COPA: variants seen among roughly 807,000 people sequenced by gnomAD.
COPA encodes the protein coat protein complex I subunit alpha.
Under a neutral mutation model 158.7 loss-of-function variants are expected in COPA, and 10 were observed. That is an observed-to-expected ratio of 0.06 (90% CI 0.04 to 0.11). The LOEUF is 0.11. Ranked by LOEUF, COPA falls within the 10% of genes least tolerant of loss-of-function variation. The probability of loss-of-function intolerance (pLI) is 1.00; values close to 1 mark genes in which losing one functional copy is unlikely to be tolerated. For missense variants in COPA, 1,065 were observed against 1,536.7 expected (o/e 0.69, Z 5.13); for synonymous variants, 462 against 542.8 (o/e 0.85, Z 2.07).
Position 160,343,236 on chromosome 1 carries a change from C to A in COPA, c.-66G>T. 6.2e-7 allele frequency: 1 copy of A among 1,606,332 alleles called. No homozygotes were observed. Among genetic ancestry groups the A allele is most frequent in the Non-Finnish European group, 8.5e-7 (1 of 1,172,824 alleles). On this transcript the variant is annotated 5_prime_UTR_variant, in exon 1 of 33. In the 5' UTR this introduces an upstream ATG that the reference lacks. Transcript: ENST00000241704. ...ACACACCCTGCTGCCCTTCGGACGC[C>A]TCCACGTCAGCGACCCTCTCCCGCG...
In COPA at chr1:160,313,853, G is replaced by C. The variant is rs1238858422; in HGVS notation, c.842+137C>G. The stretch of plus-strand genomic sequence containing the variant: ...ATTTGTAAATGTTGACTGATCTCTA[G>C]GTCTCTTCAAATTTTCATAATATAT... On this transcript the variant is annotated intron_variant, in intron 9 of 32. Transcript: ENST00000241704. 4.1e-6 allele frequency: 3 copies of C among 735,812 alleles called. No homozygotes were observed. The African/African-American group carries it at 5.5e-5, about 13-fold the overall frequency. The allele number at this position is 735,812 out of a possible 1,614,324, so 45.6% of individuals were successfully genotyped here.
chr1:160,300,344 A>AAAAT (rs36034271), intron 17 of COPA, among the ~76,000 whole-genome samples: 14,597 of 138,838 alleles, frequency 0.11, 840 homozygotes, highest in East Asian at 0.15. Context: ...ACTCCGACTC[A>AAAAT]AAATAAATAA....
intron 8 of COPA, chr1:160,317,746 T>A: frequency 7.9e-7 from 1 of 1,258,758 alleles, no homozygotes; most frequent in Non-Finnish European, 1.2e-6. Flanking sequence ...CAATCCTTTC[T>A]CATTTTTAAA....
In COPA at chr1:160,293,232, G is replaced by A; in HGVS notation, c.2757C>T (p.Ile919=). Residue 919 remains isoleucine (I), a splice_region_variant and synonymous_variant, in exon 27 of 33, where the codon ATC becomes ATT. Transcript: ENST00000241704. The part of the protein sequence containing the change: ...PPTKGTSPTQ[I]WCNNSQLPVD... ...CTGGAAGCTGAGAGTTATTACACCAGATCTAACAAGAAACAAAAAAACCCA... is the reference window on the plus strand; with the variant it reads ...CTGGAAGCTGAGAGTTATTACACCAAATCTAACAAGAAACAAAAAAACCCA... 1 of 1,614,068 alleles carries A rather than the reference G, an allele frequency of 6.2e-7. No homozygotes were observed. The highest frequency in any genetic ancestry group is 8.5e-7 in the Non-Finnish European group (1 of 1,180,008).
At chr1:160,340,857 C>T (rs1376451017) in intron 1 of COPA, among the ~76,000 whole-genome samples, 1 of 152,164 alleles carries the variant, frequency 6.6e-6, no homozygotes, top group African/African-American at 2.4e-5. Flanking sequence ...TCTCTCTCTG[C>T]AGCCCCCTCT....
At chr1:160,297,829 A>G (rs1658463581) in intron 19 of COPA, 84 bp from the exon 20 acceptor site, 1 of 1,392,640 alleles carries the variant, frequency 7.2e-7, no homozygotes, top group Non-Finnish European at 9.8e-7. Flanking sequence ...CTGCATCTAT[A>G]TAGATTTCCT....
chr1:160,307,077 G>GA (rs1195421150), intron 14 of COPA, 86 bp downstream of exon 14: 1 of 1,359,540 alleles, frequency 7.4e-7, no homozygotes, highest in African/African-American at 1.4e-5. Flanking sequence ...GGGGAGAACA[G>GA]AAAAAACAAT....
chr1:160,306,040 G>C, intron 15 of COPA: 1 of 572,634 alleles, frequency 1.7e-6, no homozygotes, highest in Non-Finnish European at 3.1e-6. Flanking sequence ...TTCACCACTG[G>C]ACTGCAAGCT....
At position 160,299,249 on chromosome 1, in the gene COPA, A is replaced by G; in HGVS notation, c.1683T>C (p.Ile561=). 1 of 1,612,976 alleles carries G rather than the reference A, an allele frequency of 6.2e-7. No homozygotes were observed. The highest frequency in any genetic ancestry group is 1.1e-5 in the South Asian group (1 of 91,054). Residue 561 remains isoleucine (I), a synonymous_variant, in exon 18 of 33, where the codon ATT becomes ATC. Transcript: ENST00000241704. ...YAVTTGDHGI[I]RTLDLPIYVT... ...CATAGATGGGTAAATCCAGAGTTCGAATGATCCCGTGGTCCCTAAGAACAG... is the reference window on the plus strand; with the variant it reads ...CATAGATGGGTAAATCCAGAGTTCGGATGATCCCGTGGTCCCTAAGAACAG...
Position 160,313,974 on chromosome 1 carries a change from C to G in COPA, c.842+16G>C, listed in dbSNP as rs1490882090. On this transcript the variant is annotated intron_variant, in intron 9 of 32. Transcript: ENST00000241704. ...AGAGTAAGAGAAAGTTCACACAACACTGAGGACTACCTTACCGCTTAGACA... is the reference window on the plus strand; with the variant it reads ...AGAGTAAGAGAAAGTTCACACAACAGTGAGGACTACCTTACCGCTTAGACA... The G allele has an allele frequency of 3.1e-6, 5 of 1,594,510 alleles. No homozygotes were observed. The highest frequency in any genetic ancestry group is 4.3e-6 in the Non-Finnish European group (5 of 1,170,898).
chr1:160,334,594 ATTCT>A (rs914157624), intron 4 of COPA, among the ~76,000 whole-genome samples: 11 of 152,246 alleles, frequency 7.2e-5, no homozygotes, highest in African/African-American at 1.9e-4. Context: ...ATTTCATCAT[ATTCT>A]TTCTAACTTA....
chr1:160,297,238 G>A, intron 21 of COPA, 105 bp downstream of exon 21: 1 of 1,001,670 alleles, frequency 1.0e-6, no homozygotes, highest in African/African-American at 1.6e-5. Context: ...CTAAAAAAAT[G>A]CACAATAAAG....
chr1:160,326,585 C>T (rs1647225084), intron 6 of COPA, among the ~76,000 whole-genome samples: 1 of 152,082 alleles, frequency 6.6e-6, no homozygotes, highest in Non-Finnish European at 1.5e-5. Context: ...TGAAGCCTTT[C>T]GACAGCTGAT....
chr1:160,303,363 G>A lies in COPA; in HGVS notation c.1667+2070C>T, dbSNP rs375006746. On this transcript the variant is annotated intron_variant, in intron 17 of 32. Transcript: ENST00000241704. The stretch of plus-strand genomic sequence containing the variant: ...CATTATTTAAGACAGTGTGGAATTA[G>A]AGCAGAGATAGACAGACCACATTTG... Among the ~76,000 whole-genome samples, 3 of 152,216 alleles carry A rather than the reference G, an allele frequency of 2.0e-5. No homozygotes were observed. In the East Asian group the frequency reaches 5.8e-4, roughly 29 times the overall value.
chr1:160,331,153 T>C (rs746143194), intron 6 of COPA, among the ~76,000 whole-genome samples: 3 of 152,194 alleles, frequency 2.0e-5, no homozygotes, highest in Non-Finnish European at 4.4e-5. Flanking sequence ...TATTCCAACA[T>C]GAAGCGCTTC....
chr1:160,342,086 A>G (rs1425796254), intron 1 of COPA, among the ~76,000 whole-genome samples: 1 of 151,946 alleles, frequency 6.6e-6, no homozygotes, highest in Non-Finnish European at 1.5e-5. Flanking sequence ...TTTTTGAGCT[A>G]CTGAGTCTAC....
intron 8 of COPA, chr1:160,317,406 T>G: frequency 6.2e-7 from 1 of 1,606,954 alleles, no homozygotes; most frequent in Non-Finnish European, 8.5e-7. Flanking sequence ...TCATCATGTC[T>G]GACCAGGAGG....
At chr1:160,336,332 CAAAA>C (rs754757246) in intron 3 of COPA, among the ~76,000 whole-genome samples, 1 of 109,594 alleles carries the variant, frequency 9.1e-6, no homozygotes. Flanking sequence ...GGCTCGGTCT[CAAAA>C]AAAAAAAAAA....
rs1454415813 is a variant in COPA at position 160,291,435 on chromosome 1, G to A, written c.3320C>T (p.Thr1107Ile). 1.2e-6 allele frequency: 2 copies of A among 1,614,050 alleles called. No homozygotes were observed. Among genetic ancestry groups the A allele is most frequent in the African/African-American group, 1.3e-5 (1 of 74,908 alleles). The change falls in exon 31 of 33, where the codon ACA becomes ATA. Residue 1107 changes from threonine (T) to isoleucine (I), a missense_variant. Around this residue, in one of 2 missense-constraint regions of COPA, gnomAD observed 980 missense variants for 1,357.8 expected, o/e 0.72. Coordinates refer to ENST00000241704, the MANE Select transcript of COPA (RefSeq NM_004371.4). ...QPVHMILVLR[T>I]ALNLFFKLKN... is the part of the protein sequence containing the mutation. ...GAGCTTGAAGAACAGATTGAGGGCTGTACGCAGCACCAGGATCATGTGCAC... is the reference window on the plus strand; with the variant it reads ...GAGCTTGAAGAACAGATTGAGGGCTATACGCAGCACCAGGATCATGTGCAC...
Sources: allele counts gnomAD v4.1 joint callset (sites outside exome capture counted in the v4.1 genomes callset), GRCh38; gene constraint gnomAD v4.1.1; regional missense constraint gnomAD v4.1.1; transcripts MANE v1.5; gene names NCBI Gene and HGNC (gene_info 2026-07-23, HGNC 2026-07-21).